NMNAT2: variants seen among roughly 807,000 people sequenced by gnomAD.
NMNAT2 encodes the protein nicotinamide/nicotinic acid mononucleotide adenylyltransferase 2.
In NMNAT2, 11 loss-of-function variants were observed where a neutral mutation model predicts 41.6. The ratio of observed to expected loss-of-function variants is 0.26; its 90% CI spans 0.17 to 0.44. NMNAT2 has a LOEUF of 0.44. Ranked by LOEUF, NMNAT2 falls within the 20% of genes least tolerant of loss-of-function variation. The pLI, the probability that NMNAT2 is intolerant of heterozygous loss-of-function variation, is 1.00. For synonymous variants in NMNAT2, 148 were observed against 151.2 expected, an observed-to-expected ratio of 0.98 and a Z score of 0.16; for missense variants, 288 against 407.7, an observed-to-expected ratio of 0.71 and a Z score of 2.53.
At chr1:183,320,206 A>T (rs1368065323) in intron 1 of NMNAT2, among the ~76,000 whole-genome samples, 1 of 152,252 alleles carries the variant, frequency 6.6e-6, no homozygotes, top group African/African-American at 2.4e-5. Flanking sequence ...AGTATTTCAG[A>T]GGTAGTATAT....
intron 1 of NMNAT2, among the ~76,000 whole-genome samples, chr1:183,398,775 C>T (rs887776220): frequency 1.3e-5 from 2 of 152,214 alleles, no homozygotes; most frequent in African/African-American, 4.8e-5. Context: ...AACTGCTCAA[C>T]TACATGGAAA....
At position 183,363,579 on chromosome 1, in the gene NMNAT2, T is replaced by TACACAC. The variant is rs146304060; in HGVS notation, c.85+54598_85+54603dup. Among the ~76,000 whole-genome samples the TACACAC allele has an allele frequency of 9.5e-3, 1,406 of 147,564 alleles. 21 individuals are homozygous for TACACAC. Among genetic ancestry groups the TACACAC allele is most frequent in the African/African-American group, 0.029 (1,149 of 39,984 alleles). On this transcript the variant is annotated intron_variant, in intron 1 of 10. Transcript: ENST00000287713. The stretch of plus-strand genomic sequence containing the variant: ...AGTCCCCTAGAGACACACACACACA[T>TACACAC]ACACACACACACACACACACACACA...
chr1:183,313,868 G>C (rs759059729), intron 1 of NMNAT2, among the ~76,000 whole-genome samples: 19 of 152,226 alleles, frequency 1.2e-4, no homozygotes, highest in Non-Finnish European at 2.6e-4. Flanking sequence ...CAACCCTGCA[G>C]AGGAAGGCTG....
chr1:183,301,611 ATCCTG>A (rs1661855201), intron 1 of NMNAT2, among the ~76,000 whole-genome samples: 1 of 152,212 alleles, frequency 6.6e-6, no homozygotes, highest in South Asian at 2.1e-4. Context: ...CCGTTGCCAC[ATCCTG>A]TCCTCAGGAC....
intron 1 of NMNAT2, among the ~76,000 whole-genome samples, chr1:183,362,660 C>A (rs1292327948): frequency 1.3e-5 from 2 of 152,156 alleles, no homozygotes; most frequent in African/African-American, 2.4e-5. Flanking sequence ...CACAGTTTTT[C>A]ATCAGTTGAT....
chr1:183,350,013 G>T (rs1383696206), intron 1 of NMNAT2, among the ~76,000 whole-genome samples: 2 of 152,160 alleles, frequency 1.3e-5, no homozygotes, highest in African/African-American at 2.4e-5. Context: ...GACTTGCTGT[G>T]TAACCTTGCC....
At chr1:183,252,913 G>A (rs1456359684) in intron 10 of NMNAT2, among the ~76,000 whole-genome samples, 170 bp from the exon 11 acceptor site, 1 of 152,180 alleles carries the variant, frequency 6.6e-6, no homozygotes, top group Admixed American at 6.5e-5. Context: ...CCCCACCTTG[G>A]TGACATCATT....
In NMNAT2 at chr1:183,341,763, C is replaced by G. The variant is rs182069521; in HGVS notation, c.86-47970G>C. On this transcript the variant is annotated intron_variant, in intron 1 of 10. Coordinates refer to ENST00000287713, the MANE Select transcript of NMNAT2 (RefSeq NM_015039.4). Reference sequence around the variant, plus strand: ...AAAAAAAAAACCTGTTTCCTTCACTCCAGGTTACTTTCTGATCATGTGTTT... The same window carrying G: ...AAAAAAAAAACCTGTTTCCTTCACTGCAGGTTACTTTCTGATCATGTGTTT... Among the ~76,000 whole-genome samples the G allele has an allele frequency of 4.3e-3, 330 of 75,952 alleles. 1 individual carries two copies. Among genetic ancestry groups the G allele is most frequent in the Non-Finnish European group, 7.4e-3 (270 of 36,550 alleles). The allele number at this position is 75,952 out of a possible 152,430, so 49.8% of individuals were successfully genotyped here. A position where few individuals can be genotyped will look rare whatever the true frequency, so the allele number is the denominator to read the frequency against.
intron 1 of NMNAT2, among the ~76,000 whole-genome samples, chr1:183,390,573 G>A (rs936833240): frequency 3.9e-5 from 6 of 152,306 alleles, no homozygotes; most frequent in African/African-American, 1.4e-4. Context: ...CTTGGCTGCT[G>A]TTTACAAGGT....
intron 1 of NMNAT2, among the ~76,000 whole-genome samples, chr1:183,346,268 A>G (rs968351795): frequency 6.6e-6 from 1 of 152,002 alleles, no homozygotes; most frequent in Non-Finnish European, 1.5e-5. Context: ...GTCAACACAA[A>G]TCAGTCCAAA....
At chr1:183,393,105 C>T (rs559489318) in intron 1 of NMNAT2, among the ~76,000 whole-genome samples, 121 of 152,250 alleles carry the variant, frequency 7.9e-4, no homozygotes, top group African/African-American at 2.9e-3. Context: ...TCACATGATC[C>T]CTAGCTGCTC....
At chr1:183,294,491 C>T (rs1361192039) in intron 1 of NMNAT2, among the ~76,000 whole-genome samples, 1 of 152,138 alleles carries the variant, frequency 6.6e-6, no homozygotes, top group Admixed American at 6.6e-5. Context: ...AAAACAATTC[C>T]TTTTAAGAAT....
intron 1 of NMNAT2, among the ~76,000 whole-genome samples, chr1:183,370,985 C>A (rs553595350): frequency 3.3e-5 from 5 of 152,244 alleles, no homozygotes; most frequent in African/African-American, 4.8e-5. Flanking sequence ...TGGTGCCTGA[C>A]CACGGTGCGC....
chr1:183,260,986 C>T lies in NMNAT2; in HGVS notation c.821+16G>A. On this transcript the variant is annotated intron_variant, in intron 10 of 10. Coordinates refer to ENST00000287713, the MANE Select transcript of NMNAT2 (RefSeq NM_015039.4). ...ACAGTTTGACTAAAGTCTCTCTGGC[C>T]ATTTGTCAAACATACCTGCTCTTGG... is the stretch of plus-strand genomic sequence containing the variant. 1.9e-6 allele frequency: 3 copies of T among 1,602,730 alleles called. No individual in the cohort carries two copies. Among genetic ancestry groups the T allele is most frequent in the East Asian group, 2.2e-5 (1 of 44,824 alleles).
At chr1:183,326,598 C>T (rs1419960084) in intron 1 of NMNAT2, among the ~76,000 whole-genome samples, 1 of 152,162 alleles carries the variant, frequency 6.6e-6, no homozygotes, top group East Asian at 1.9e-4. Context: ...CTTGAAGAAT[C>T]TATATCACTA....
chr1:183,399,071 C>T (rs977997730), intron 1 of NMNAT2, among the ~76,000 whole-genome samples: 6 of 152,038 alleles, frequency 3.9e-5, no homozygotes, highest in Admixed American at 3.9e-4. Context: ...CAGAGCAGAA[C>T]TGAAGGAGAT....
rs535642535 is a variant in NMNAT2 at position 183,325,049 on chromosome 1, G to A, written c.86-31256C>T. 8.5e-4 allele frequency among the ~76,000 whole-genome samples: 129 copies of A among 152,326 alleles called. 1 individual carries two copies. The highest frequency in any genetic ancestry group is 3.9e-3 in the Admixed American group (60 of 15,294). On this transcript the variant is annotated intron_variant, in intron 1 of 10. Transcript: ENST00000287713. The stretch of plus-strand genomic sequence containing the variant: ...CAAAGCAGACCCCGAGGAACCAGAA[G>A]TCACACCAAATTGTGTCTCTGGGTA...
At chr1:183,415,086 A>G (rs1366411862) in intron 1 of NMNAT2, among the ~76,000 whole-genome samples, 1 of 152,142 alleles carries the variant, frequency 6.6e-6, no homozygotes. Context: ...CACCTCAGCC[A>G]TCCTCCCACC....
chr1:183,292,219 C>A (rs1280230332), intron 3 of NMNAT2, among the ~76,000 whole-genome samples: 2 of 152,340 alleles, frequency 1.3e-5, no homozygotes, highest in African/African-American at 2.4e-5. Context: ...ACACTGCAAG[C>A]TCAGCGGAGG....
Sources: allele counts gnomAD v4.1 joint callset (sites outside exome capture counted in the v4.1 genomes callset), GRCh38; gene constraint gnomAD v4.1.1; transcripts MANE v1.5; gene names NCBI Gene and HGNC (gene_info 2026-07-23, HGNC 2026-07-21).